SPOCK3: variants seen among roughly 807,000 people sequenced by gnomAD.
SPOCK3 encodes SPARC (osteonectin), cwcv and kazal like domains proteoglycan 3, also known as testican-3.
Under a neutral mutation model 56.6 loss-of-function variants are expected in SPOCK3, and 30 were observed. The observed-to-expected ratio is 0.53, with a 90% CI of 0.40 to 0.72. SPOCK3 has a LOEUF of 0.72. Ranked by LOEUF, SPOCK3 falls within the 30% of genes least tolerant of loss-of-function variation. The pLI is 0.00. For missense variants in SPOCK3, 527 were observed against 530.0 expected (o/e 0.99, Z 0.06); for synonymous variants, 196 against 183.3 (o/e 1.07, Z -0.56).
chr4:166,750,333 T>C (rs1157944454), intron 8 of SPOCK3, among the ~76,000 whole-genome samples: 1 of 151,988 alleles, frequency 6.6e-6, no homozygotes, highest in Non-Finnish European at 1.5e-5. Context: ...ATCAGACTAT[T>C]AGGTCTACAC....
At chr4:166,936,572 G>C (rs6553431) in intron 4 of SPOCK3, among the ~76,000 whole-genome samples, 111,825 of 151,766 alleles carry the variant, frequency 0.74, 41,550 homozygotes, top group East Asian at 0.94. Flanking sequence ...CAGTGGCACA[G>C]CTTTTCCCAT....
intron 7 of SPOCK3, among the ~76,000 whole-genome samples, chr4:166,766,679 G>C (rs1738113071): frequency 6.6e-6 from 1 of 152,120 alleles, no homozygotes; most frequent in Non-Finnish European, 1.5e-5. Flanking sequence ...CCAGGCTTTG[G>C]TATCACAATG....
chr4:166,944,293 T>C (rs1741459959), intron 4 of SPOCK3, among the ~76,000 whole-genome samples: 1 of 152,146 alleles, frequency 6.6e-6, no homozygotes, highest in African/African-American at 2.4e-5. Context: ...TATTCTATCA[T>C]TCCCCCAATA....
At chr4:166,738,582 T>G (rs1253620805) in intron 9 of SPOCK3, among the ~76,000 whole-genome samples, 1 of 149,392 alleles carries the variant, frequency 6.7e-6, no homozygotes, top group Non-Finnish European at 1.5e-5. Context: ...ACTCGTCACT[T>G]AGCATTAGGT....
At chr4:167,130,002 C>T (rs914683970) in intron 2 of SPOCK3, among the ~76,000 whole-genome samples, 2 of 151,952 alleles carry the variant, frequency 1.3e-5, no homozygotes, top group Non-Finnish European at 2.9e-5. Context: ...TTATGTTTTC[C>T]AAAAATAAGG....
intron 6 of SPOCK3, among the ~76,000 whole-genome samples, chr4:166,836,566 C>T (rs775224068): frequency 6.6e-6 from 1 of 152,024 alleles, no homozygotes; most frequent in Non-Finnish European, 1.5e-5. Context: ...GTGAATTTAC[C>T]TCAGTGAAGA....
intron 6 of SPOCK3, among the ~76,000 whole-genome samples, chr4:166,847,105 A>G (rs1341589944): frequency 1.3e-5 from 2 of 152,116 alleles, no homozygotes; most frequent in Non-Finnish European, 2.9e-5. Flanking sequence ...ACAAAAATCA[A>G]GCATTCATTT....
chr4:167,098,330 T>C (rs1033619490), intron 2 of SPOCK3, among the ~76,000 whole-genome samples: 1 of 151,918 alleles, frequency 6.6e-6, no homozygotes, highest in African/African-American at 2.4e-5. Flanking sequence ...TGCAGACTTA[T>C]AGGGCTTGCC....
intron 3 of SPOCK3, among the ~76,000 whole-genome samples, chr4:167,019,460 T>A (rs925978424): frequency 6.6e-6 from 1 of 151,724 alleles, no homozygotes. Context: ...TAACCATATA[T>A]AATTTATAGA....
chr4:167,199,403 G>A (rs1332163630), intron 2 of SPOCK3, among the ~76,000 whole-genome samples: 1 of 151,780 alleles, frequency 6.6e-6, no homozygotes. Flanking sequence ...TAACCCAAAG[G>A]TACACTCCAT....
intron 3 of SPOCK3, among the ~76,000 whole-genome samples, chr4:167,000,862 G>A (rs1020532521): frequency 6.6e-6 from 1 of 152,086 alleles, no homozygotes; most frequent in Non-Finnish European, 1.5e-5. Context: ...AATGCTGGTG[G>A]GTCAATAAAA....
chr4:167,069,167 A>T (rs1245817172), intron 2 of SPOCK3, among the ~76,000 whole-genome samples: 2 of 151,914 alleles, frequency 1.3e-5, no homozygotes, highest in Non-Finnish European at 2.9e-5. Flanking sequence ...TTTGAATAGC[A>T]TATGGTTTTA....
chr4:167,142,539 T>C (rs1763622763), intron 2 of SPOCK3, among the ~76,000 whole-genome samples: 1 of 151,688 alleles, frequency 6.6e-6, no homozygotes, highest in African/African-American at 2.4e-5. Flanking sequence ...GCAACAAAGA[T>C]AGAAAGGGTA....
intron 2 of SPOCK3, among the ~76,000 whole-genome samples, chr4:167,213,636 T>C (rs1005043234): frequency 6.6e-6 from 1 of 152,132 alleles, no homozygotes; most frequent in Non-Finnish European, 1.5e-5. Flanking sequence ...TTAAATATAA[T>C]GGAGGAAATA....
intron 2 of SPOCK3, among the ~76,000 whole-genome samples, chr4:167,106,630 G>T (rs1760176660): frequency 7.1e-6 from 1 of 140,286 alleles, no homozygotes; most frequent in Non-Finnish European, 1.6e-5. Flanking sequence ...ATTGGTAGAA[G>T]AAAAAAATAA....
chr4:167,202,149 G>T (rs564520513), intron 2 of SPOCK3, among the ~76,000 whole-genome samples: 2 of 152,014 alleles, frequency 1.3e-5, no homozygotes, highest in Non-Finnish European at 2.9e-5. Flanking sequence ...AAATATAAGT[G>T]TTTGGATTAA....
chr4:166,931,938 C>A (rs574232332), intron 4 of SPOCK3, among the ~76,000 whole-genome samples: 1 of 152,164 alleles, frequency 6.6e-6, no homozygotes, highest in Non-Finnish European at 1.5e-5. Flanking sequence ...CTCTTCCTTT[C>A]GTGACACTTC....
intron 6 of SPOCK3, among the ~76,000 whole-genome samples, chr4:166,880,327 T>C (rs9997140): frequency 0.077 from 11,755 of 152,206 alleles, 541 homozygotes; most frequent in Non-Finnish European, 0.1. Flanking sequence ...TCTGGTACAC[T>C]GTTCTCTCCT....
At chr4:166,981,862 T>C (rs1251397531) in intron 4 of SPOCK3, among the ~76,000 whole-genome samples, 1 of 152,138 alleles carries the variant, frequency 6.6e-6, no homozygotes, top group Admixed American at 6.6e-5. Context: ...GCACCCAAAC[T>C]CTGGTGGGGA....
Sources: allele counts gnomAD v4.1 joint callset (sites outside exome capture counted in the v4.1 genomes callset), GRCh38; gene constraint gnomAD v4.1.1; transcripts MANE v1.5; gene names NCBI Gene and HGNC (gene_info 2026-07-23, HGNC 2026-07-21).